SULT1A1: variants seen among roughly 807,000 people sequenced by gnomAD.
SULT1A1 encodes the protein sulfotransferase family 1A member 1, also known as sulfotransferase 1A1.
In SULT1A1, 35 loss-of-function variants were observed where a neutral mutation model predicts 36.8. That is an observed-to-expected ratio of 0.95 (90% CI 0.73 to 1.26). SULT1A1 has a LOEUF of 1.26. Among genes scored for constraint, SULT1A1 ranks in the 50% most tolerant of loss-of-function variants. The pLI, the probability that SULT1A1 is intolerant of heterozygous loss-of-function variation, is 0.00. For synonymous variants in SULT1A1, 119 were observed against 146.0 expected, an observed-to-expected ratio of 0.82 and a Z score of 1.33; for missense variants, 309 against 383.0, an observed-to-expected ratio of 0.81 and a Z score of 1.61.
At position 28,609,930 on chromosome 16, in the gene SULT1A1, C is replaced by T. The variant is rs757790554; in HGVS notation, c.-5+1G>A. On this transcript the variant is annotated splice_donor_variant, in intron 1 of 7. Transcript: ENST00000314752. LOFTEE classifies it low-confidence loss of function (5UTR_SPLICE). ...CTGGGCCGTTCCACTGTGTCACTCA[C>T]CTGAGCTCTTGGGAACCTGGCCTCG... 3 of 1,286,534 alleles carry T rather than the reference C, an allele frequency of 2.3e-6. No homozygotes were observed. The South Asian group carries it at 3.7e-5, about 16-fold the overall frequency. 79.7% of individuals were successfully genotyped at this position (1,286,534 alleles called of 1,614,324 possible).
At chr16:28,609,848 C>G in intron 1 of SULT1A1, 83 bp downstream of exon 1, 2 of 1,200,748 alleles carry the variant, frequency 1.7e-6, no homozygotes, top group South Asian at 2.9e-5. Flanking sequence ...GGCAGGGATG[C>G]CAGAGGCCTC....
chr16:28,608,609 G>T lies in SULT1A1; in HGVS notation c.149-6C>A. 2 of 1,611,846 alleles carry T rather than the reference G, an allele frequency of 1.2e-6. No individual in the cohort carries two copies. Among genetic ancestry groups the T allele is most frequent in the African/African-American group, 2.7e-5 (2 of 74,998 alleles). On this transcript the variant is annotated splice_polypyrimidine_tract_variant and splice_region_variant and intron_variant, in intron 2 of 7. Coordinates refer to ENST00000314752, the MANE Select transcript of SULT1A1 (RefSeq NM_001055.4). ...CTGGCTTACCCAGGTAGTGCCTGGA[G>T]AGGGAGGGAGATGGGAGGTGAGCAG...
At chr16:28,618,386 C>T (rs546211565) in intron 2 of SULT1A1, among the ~76,000 whole-genome samples, 1 of 127,680 alleles carries the variant, frequency 7.8e-6, no homozygotes, top group Non-Finnish European at 1.6e-5. Context: ...CGCTCTGTCG[C>T]CCAGGCTGGA....
intron 6 of SULT1A1, 127 bp from the exon 7 acceptor site, chr16:28,606,363 TC>T: frequency 6.6e-7 from 1 of 1,520,044 alleles, no homozygotes; most frequent in Non-Finnish European, 9.0e-7. Flanking sequence ...AGCCAACTCC[TC>T]AACCCCCAGG....
rs758267384 is a variant in SULT1A1 at position 28,623,171 on chromosome 16, C to CT, written c.26dup (p.Val10GlyfsTer23). ...AGACCGCGATGGGCGCACCGACCAC[C>CT]TGGTCGCACAGCAACTTGGCCAGCA... On this transcript the variant is annotated frameshift_variant, in exon 1 of 6. Coordinates refer to the SULT1A1 transcript ENST00000350842. LOFTEE classifies it high-confidence loss of function. 2.9e-5 allele frequency: 45 copies of CT among 1,551,182 alleles called. No individual in the cohort carries two copies. In the African/African-American group the frequency reaches 5.9e-4, roughly 20 times the overall value.
In SULT1A1 at chr16:28,623,131, CGG is replaced by C; in HGVS notation, c.65_66del (p.Ala22GlyfsTer10). The C allele has an allele frequency of 6.5e-7, 1 of 1,538,408 alleles. No individual in the cohort carries two copies. The highest frequency in any genetic ancestry group is 1.4e-5 in the African/African-American group (1 of 71,698). The stretch of plus-strand genomic sequence containing the variant: ...CCAGGTTCCCCCCCCGGCCCCTCAC[CGG>C]CGTAGAAGGCCGAGACCGCGATGGG... On this transcript the variant is annotated frameshift_variant and splice_region_variant, in exon 1 of 6. Transcript: ENST00000350842. LOFTEE classifies it high-confidence loss of function.
In SULT1A1 at chr16:28,606,360, T is replaced by A. The variant is rs2047186358; in HGVS notation, c.595-124A>T. ...CTCCTAGAAACCCTGCAGAGCCAACTCCTCAACCCCCAGGGCCCCAGTCCC... is the reference window on the plus strand; with the variant it reads ...CTCCTAGAAACCCTGCAGAGCCAACACCTCAACCCCCAGGGCCCCAGTCCC... On this transcript the variant is annotated intron_variant, in intron 6 of 7. Coordinates refer to ENST00000314752, the MANE Select transcript of SULT1A1 (RefSeq NM_001055.4). 35 of 1,525,254 alleles carry A rather than the reference T, an allele frequency of 2.3e-5. No homozygotes were observed. The South Asian group carries it at 3.9e-4, about 17-fold the overall frequency. The allele number at this position is 1,525,254 out of a possible 1,614,324, so 94.5% of individuals were successfully genotyped here.
At chr16:28,610,807 T>C (rs895927685), upstream of SULT1A1, 3 of 152,542 alleles carry the variant, frequency 2.0e-5, no homozygotes, top group African/African-American at 7.2e-5. Flanking sequence ...CAGGGCCCCG[T>C]GGAAGGGGGG....
At chr16:28,623,101 A>AG in intron 1 of SULT1A1, 2 of 788,110 alleles carry the variant, frequency 2.5e-6, no homozygotes, top group South Asian at 2.0e-5. Context: ...TACTGGTCCC[A>AG]CCCCCCAGGT....
rs1383253850 is a variant in SULT1A1 at position 28,606,090 on chromosome 16, G to T, written c.741C>A (p.Phe247Leu). ...MTNYTTVPQE[F>L]MDHSISPFMR... ...TGAAGGGGGAGATGCTGTGGTCCATGAACTCCTGGGGGACGGTGGTGTAGT... is the reference window on the plus strand; with the variant it reads ...TGAAGGGGGAGATGCTGTGGTCCATTAACTCCTGGGGGACGGTGGTGTAGT... The change falls in exon 7 of 8, where the codon TTC becomes TTA. Residue 247 changes from phenylalanine to leucine, a missense_variant. Around this residue, in one of 3 missense-constraint regions of SULT1A1, gnomAD observed 67 missense variants for 122.0 expected, o/e 0.55. Transcript: ENST00000314752. 4.4e-6 allele frequency: 7 copies of T among 1,600,434 alleles called. No individual in the cohort carries two copies. The highest frequency in any genetic ancestry group is 4.3e-6 in the Non-Finnish European group (5 of 1,171,144).
chr16:28,618,675 T>C (rs2047594183), intron 2 of SULT1A1, among the ~76,000 whole-genome samples: 1 of 151,912 alleles, frequency 6.6e-6, no homozygotes, highest in Non-Finnish European at 1.5e-5. Context: ...CTATATATAT[T>C]TGTGCCGAGC....
At chr16:28,621,580 G>A (rs2047656940) in intron 1 of SULT1A1, among the ~76,000 whole-genome samples, 1 of 151,308 alleles carries the variant, frequency 6.6e-6, no homozygotes, top group African/African-American at 2.4e-5. Flanking sequence ...ATAGCATTCT[G>A]GTCCCCTACC....
At chr16:28,609,617 G>T in intron 1 of SULT1A1, 1 of 388,216 alleles carries the variant, frequency 2.6e-6, no homozygotes, top group Non-Finnish European at 4.7e-6. Context: ...CATTAACCAG[G>T]CAGGATGATG....
chr16:28,616,721 C>T (rs550078511), intron 2 of SULT1A1, among the ~76,000 whole-genome samples: 13 of 152,260 alleles, frequency 8.5e-5, no homozygotes, highest in Middle Eastern at 3.4e-3. Flanking sequence ...CCACACCCGA[C>T]GTACTTCATT....
At chr16:28,619,163 C>T (rs1241869840) in intron 2 of SULT1A1, among the ~76,000 whole-genome samples, 2 of 152,144 alleles carry the variant, frequency 1.3e-5, no homozygotes, top group Admixed American at 1.3e-4. Flanking sequence ...CAGACATACA[C>T]CACCGTGCCC....
In SULT1A1 at chr16:28,608,282, C is replaced by T. The variant is rs759850382; in HGVS notation, c.372+9G>A. ...GATTATGGATGTGAAACACTGTGCC[C>T]TGCCTCACCTTGACCTTCTGATCCA... On this transcript the variant is annotated intron_variant, in intron 4 of 7. Transcript: ENST00000314752. 5 of 1,611,980 alleles carry T rather than the reference C, an allele frequency of 3.1e-6. No individual in the cohort carries two copies. The Admixed American group carries it at 6.7e-5, about 22-fold the overall frequency.
chr16:28,620,299 T>C (rs2047626590), intron 1 of SULT1A1, among the ~76,000 whole-genome samples: 1 of 152,136 alleles, frequency 6.6e-6, no homozygotes, highest in Admixed American at 6.6e-5. Flanking sequence ...GTGCCGTGGC[T>C]CAAGCCTGTA....
chr16:28,610,359 T>G, upstream of SULT1A1: 3 of 584,662 alleles, frequency 5.1e-6, no homozygotes, highest in Non-Finnish European at 7.5e-6. Context: ...AGACAAGCTC[T>G]CTCTAATTGA....
intron 2 of SULT1A1, among the ~76,000 whole-genome samples, chr16:28,619,540 ACT>A (rs1273127599): frequency 6.6e-6 from 1 of 151,938 alleles, no homozygotes; most frequent in Non-Finnish European, 1.5e-5. Flanking sequence ...ACATAGTGAG[ACT>A]CTGTCTCTAT....
Sources: gnomAD v4.1 joint callset for allele counts (sites outside exome capture counted in the v4.1 genomes callset) on GRCh38, gnomAD v4.1.1 for gene constraint, gnomAD v4.1.1 regional missense constraint, MANE v1.5 for transcripts, NCBI Gene and HGNC (gene_info 2026-07-23, HGNC 2026-07-21) for gene names.